Variants in BTBD9 observed in about 807,000 individuals in gnomAD.
BTBD9 encodes BTB/POZ domain-containing protein 9.
In BTBD9, 49 loss-of-function variants were observed where a neutral mutation model predicts 64.3. That is an observed-to-expected ratio of 0.76 (90% CI 0.61 to 0.97). The LOEUF is 0.97. Among genes scored for constraint, BTBD9 ranks in the 50% least tolerant of loss-of-function variants. BTBD9 has a pLI of 0.00. For missense variants in BTBD9, 598 were observed against 762.1 expected (o/e 0.78, Z 2.53); for synonymous variants, 260 against 274.7 (o/e 0.95, Z 0.53).
chr6:38,288,372 T>G lies in BTBD9; in HGVS notation c.1354A>C (p.Thr452Pro), dbSNP rs1188231709. The change falls in exon 8 of 11, where the codon ACT becomes CCT. Residue 452 changes from threonine to proline, a missense_variant. Physicochemically the swap from Thr to Pro is conservative, Grantham distance 38. Transcript: ENST00000481247. ...RSRNALLNGD[T>P]KNYDWDSGYT... ...CCAGAATCCCAGTCATAATTCTTAG[T>G]GTCCCCATTCAGCAAGGCATTTCGG... 3 of 1,614,176 alleles carry G rather than the reference T, an allele frequency of 1.9e-6. No individual in the cohort carries two copies. The highest frequency in any genetic ancestry group is 2.5e-6 in the Non-Finnish European group (3 of 1,180,032).
At chr6:38,549,084 A>AT (rs1774683773) in intron 6 of BTBD9, among the ~76,000 whole-genome samples, 1 of 152,170 alleles carries the variant, frequency 6.6e-6, no homozygotes. Flanking sequence ...AGTTCACAAT[A>AT]TTTTTTAAAA....
rs530602728 is a variant in BTBD9 at position 38,636,822 on chromosome 6, C to T, written c.-28+2978G>A. 4.7e-4 allele frequency among the ~76,000 whole-genome samples: 71 copies of T among 152,248 alleles called. No homozygotes were observed. The South Asian group carries it at 5.2e-3, about 11-fold the overall frequency. On this transcript the variant is annotated intron_variant, in intron 1 of 10. Coordinates refer to ENST00000481247, the MANE Select transcript of BTBD9 (RefSeq NM_001099272.2). ...AAAACAGCTTCCTGCCTCATCACTT[C>T]CCCCATGCAATAAGAAGTGATTAGG...
At chr6:38,368,195 A>T (rs114177819) in intron 6 of BTBD9, among the ~76,000 whole-genome samples, 2,112 of 152,316 alleles carry the variant, frequency 0.014, 35 homozygotes, top group African/African-American at 0.045. Context: ...TATACTGTAT[A>T]TCTGCTTATG....
At chr6:38,237,069 A>T (rs1763804291) in intron 9 of BTBD9, among the ~76,000 whole-genome samples, 1 of 152,210 alleles carries the variant, frequency 6.6e-6, no homozygotes, top group African/African-American at 2.4e-5. Flanking sequence ...GGTGCAACTC[A>T]CTTGCTTTTT....
intron 6 of BTBD9, among the ~76,000 whole-genome samples, chr6:38,563,226 G>A (rs1307945846): frequency 2.0e-5 from 3 of 152,018 alleles, no homozygotes; most frequent in Admixed American, 6.6e-5. Context: ...TGGCTCCTAT[G>A]GTTTCAAATA....
rs16890841 is a variant in BTBD9 at position 38,595,880 on chromosome 6, G to A, written c.186-1553C>T. 9.8e-4 allele frequency: 961 copies of A among 985,196 alleles called. 10 individuals carry two copies. In the African/African-American group the frequency reaches 0.015, roughly 15 times the overall value. 61.0% of individuals were successfully genotyped at this position (985,196 alleles called of 1,614,324 possible). On this transcript the variant is annotated intron_variant, in intron 2 of 10. Coordinates refer to ENST00000481247, the MANE Select transcript of BTBD9 (RefSeq NM_001099272.2). Reference sequence around the variant, plus strand: ...CCAAATTAAAGAACTTCTCCTTCTCGGGGAGACCTCAAGACTTATCCCCAA... The same window carrying A: ...CCAAATTAAAGAACTTCTCCTTCTCAGGGAGACCTCAAGACTTATCCCCAA...
chr6:38,187,580 G>A (rs1372392941), intron 10 of BTBD9, among the ~76,000 whole-genome samples: 1 of 152,194 alleles, frequency 6.6e-6, no homozygotes, highest in Non-Finnish European at 1.5e-5. Flanking sequence ...GCACAGGGGA[G>A]CTTCCAGAGC....
At chr6:38,368,933 T>A (rs1765301467) in intron 6 of BTBD9, among the ~76,000 whole-genome samples, 1 of 152,170 alleles carries the variant, frequency 6.6e-6, no homozygotes, top group Non-Finnish European at 1.5e-5. Flanking sequence ...CATTTAGATG[T>A]CCCATAGACA....
At chr6:38,603,969 CA>C (rs1387444549) in intron 1 of BTBD9, among the ~76,000 whole-genome samples, 1 of 151,738 alleles carries the variant, frequency 6.6e-6, no homozygotes, top group Admixed American at 6.6e-5. Context: ...AAACACTCTC[CA>C]AAAAAAATCA....
intron 6 of BTBD9, among the ~76,000 whole-genome samples, chr6:38,380,552 G>A (rs55842851): frequency 0.057 from 8,684 of 152,278 alleles, 710 homozygotes; most frequent in East Asian, 0.33. Context: ...AGGGTAGGCT[G>A]GGTGAGGTGG....
intron 6 of BTBD9, among the ~76,000 whole-genome samples, chr6:38,408,908 T>C (rs1391412467): frequency 6.6e-6 from 1 of 152,176 alleles, no homozygotes; most frequent in Non-Finnish European, 1.5e-5. Context: ...GAAATTCTAA[T>C]GCTTAGGTAC....
chr6:38,456,456 C>T (rs1216358058), intron 6 of BTBD9, among the ~76,000 whole-genome samples: 4 of 152,318 alleles, frequency 2.6e-5, no homozygotes, highest in Non-Finnish European at 4.4e-5. Context: ...ATATTGCATT[C>T]TTACCAGCAG....
intron 6 of BTBD9, among the ~76,000 whole-genome samples, chr6:38,406,978 C>G (rs546809411): frequency 6.6e-6 from 1 of 152,204 alleles, no homozygotes; most frequent in Non-Finnish European, 1.5e-5. Flanking sequence ...AGAACCAGGT[C>G]TGGAAGTGAA....
At chr6:38,378,914 T>C (rs1309187594) in intron 6 of BTBD9, among the ~76,000 whole-genome samples, 1 of 151,382 alleles carries the variant, frequency 6.6e-6, no homozygotes, top group Non-Finnish European at 1.5e-5. Context: ...GCAAGAATCG[T>C]TGGAAAGGAA....
At chr6:38,512,268 C>A (rs1012008173) in intron 6 of BTBD9, among the ~76,000 whole-genome samples, 7 of 152,128 alleles carry the variant, frequency 4.6e-5, no homozygotes, top group Admixed American at 1.3e-4. Context: ...CCACCATGCC[C>A]GGCCACTACT....
chr6:38,346,176 G>A (rs1238882827), intron 6 of BTBD9, among the ~76,000 whole-genome samples: 1 of 152,118 alleles, frequency 6.6e-6, no homozygotes, highest in East Asian at 1.9e-4. Context: ...CAATTTAGAC[G>A]ATATAATTTT....
chr6:38,402,566 A>T (rs1342490762), intron 6 of BTBD9, among the ~76,000 whole-genome samples: 1 of 152,246 alleles, frequency 6.6e-6, no homozygotes, highest in Non-Finnish European at 1.5e-5. Flanking sequence ...CAAGGCTGCC[A>T]AGACAATTCA....
At chr6:38,256,346 T>C in intron 9 of BTBD9, 63 bp downstream of exon 9, 2 of 1,253,254 alleles carry the variant, frequency 1.6e-6, no homozygotes, top group South Asian at 2.5e-5. Context: ...CTTTTGAGCC[T>C]CCCAATCCAC....
At chr6:38,438,723 C>T (rs1768872381) in intron 6 of BTBD9, among the ~76,000 whole-genome samples, 1 of 151,354 alleles carries the variant, frequency 6.6e-6, no homozygotes, top group Non-Finnish European at 1.5e-5. Flanking sequence ...TAGAGAGCTT[C>T]ATTTTAGTGG....
Sources: gnomAD v4.1 joint callset for allele counts (sites outside exome capture counted in the v4.1 genomes callset) on GRCh38, gnomAD v4.1.1 for gene constraint, MANE v1.5 for transcripts, NCBI Gene and HGNC (gene_info 2026-07-23, HGNC 2026-07-21) for gene names.